Variants in SUN3 observed in about 807,000 individuals in gnomAD.
SUN3 encodes the protein SUN domain-containing protein 3.
A neutral mutation model predicts 48.2 loss-of-function variants in SUN3; 36 were observed. The ratio of observed to expected loss-of-function variants is 0.75; its 90% confidence interval spans 0.57 to 0.99. SUN3 has a LOEUF of 0.99. SUN3 is among the 50% of genes least tolerant of loss of function. SUN3 has a pLI of 0.00. For synonymous variants in SUN3, 148 were observed against 147.9 expected, an observed-to-expected ratio of 1.00 and a Z score of 0.00; for missense variants, 419 against 433.1, an observed-to-expected ratio of 0.97 and a Z score of 0.29.
At chr7:47,987,740 C>T (rs1788940827) in intron 9 of SUN3, among the ~76,000 whole-genome samples, 1 of 152,076 alleles carries the variant, frequency 6.6e-6, no homozygotes, top group African/African-American at 2.4e-5. Context: ...TGCCATGTTG[C>T]CCAGGCTGGT....
chr7:47,989,718 T>C (rs1012387630), intron 8 of SUN3, among the ~76,000 whole-genome samples: 4 of 152,238 alleles, frequency 2.6e-5, no homozygotes, highest in Admixed American at 6.5e-5. Flanking sequence ...TGTCTCTACG[T>C]AGAAAGAAGT....
At chr7:47,993,187 A>G (rs74622979) in intron 8 of SUN3, among the ~76,000 whole-genome samples, 2,915 of 152,328 alleles carry the variant, frequency 0.019, 99 homozygotes, top group African/African-American at 0.067. Flanking sequence ...TGTTTTGTTC[A>G]CATAGTCACT....
At chr7:48,023,519 C>G (rs1264305689) in intron 2 of SUN3, among the ~76,000 whole-genome samples, 2 of 151,360 alleles carry the variant, frequency 1.3e-5, no homozygotes, top group African/African-American at 4.9e-5. Context: ...AAATGAAGAA[C>G]AAAAAAGGTA....
At chr7:48,009,188 G>A in intron 3 of SUN3, 113 bp from the exon 4 acceptor site, 2 of 1,022,284 alleles carry the variant, frequency 2.0e-6, no homozygotes, top group Middle Eastern at 2.3e-4. Context: ...ATATACAGAT[G>A]TGCTGGCTGG....
intron 2 of SUN3, among the ~76,000 whole-genome samples, chr7:48,023,963 G>A (rs562812618): frequency 1.3e-5 from 2 of 152,240 alleles, no homozygotes; most frequent in African/African-American, 4.8e-5. Context: ...TGGAACAGAG[G>A]ACAAGACATT....
chr7:48,021,384 A>T (rs1789992154), intron 2 of SUN3, among the ~76,000 whole-genome samples: 1 of 152,136 alleles, frequency 6.6e-6, no homozygotes, highest in South Asian at 2.1e-4. Flanking sequence ...CCACAAGCAC[A>T]GGCAACAAAA....
intron 8 of SUN3, among the ~76,000 whole-genome samples, chr7:47,989,648 G>A (rs1221315226): frequency 1.3e-5 from 2 of 152,054 alleles, no homozygotes; most frequent in Non-Finnish European, 2.9e-5. Context: ...ATACATCATG[G>A]TTACATAATG....
chr7:48,019,783 C>G (rs1002861342), intron 2 of SUN3, among the ~76,000 whole-genome samples: 3 of 151,470 alleles, frequency 2.0e-5, no homozygotes, highest in African/African-American at 7.3e-5. Flanking sequence ...AGATCGAAGC[C>G]ATAATAAAAA....
At chr7:47,990,495 C>T (rs150502295) in intron 8 of SUN3, among the ~76,000 whole-genome samples, 10 of 152,158 alleles carry the variant, frequency 6.6e-5, no homozygotes, top group South Asian at 2.1e-4. Context: ...GGTGCCGGCG[C>T]GGGTCCTCCG....
intron 3 of SUN3, among the ~76,000 whole-genome samples, chr7:48,009,463 G>T (rs1789622312): frequency 6.6e-6 from 1 of 152,178 alleles, no homozygotes; most frequent in South Asian, 2.1e-4. Context: ...GGTGGATGTG[G>T]AAAAACCTAA....
chr7:48,014,268 G>C (rs1789752622), intron 3 of SUN3, among the ~76,000 whole-genome samples: 1 of 152,206 alleles, frequency 6.6e-6, no homozygotes, highest in South Asian at 2.1e-4. Context: ...TGAATTTGCT[G>C]TTGAGTATGC....
At chr7:48,033,444 C>T (rs73337821), upstream of SUN3, among the ~76,000 whole-genome samples, 4,319 of 152,066 alleles carry the variant, frequency 0.028, 216 homozygotes, top group African/African-American at 0.1. Context: ...GGCCTGGACT[C>T]CTAATTACTC....
At chr7:47,998,224 C>T (rs73111124) in intron 6 of SUN3, among the ~76,000 whole-genome samples, 167 of 152,248 alleles carry the variant, frequency 1.1e-3, no homozygotes, top group Middle Eastern at 3.4e-3. Context: ...CATGCGGTTG[C>T]CAGCACTTAG....
chr7:48,007,127 A>ACCCCCCCCAG, intron 5 of SUN3, 38 bp downstream of exon 5: 2 of 1,575,512 alleles, frequency 1.3e-6, no homozygotes, highest in Non-Finnish European at 8.7e-7. Context: ...GCTAACCACC[A>ACCCCCCCCAG]CCCCACCCTG....
intron 2 of SUN3, among the ~76,000 whole-genome samples, chr7:48,023,526 G>C (rs769845251): frequency 6.6e-6 from 1 of 151,934 alleles, no homozygotes; most frequent in Non-Finnish European, 1.5e-5. Flanking sequence ...GAACAAAAAA[G>C]GTATAAGATA....
chr7:48,029,747 A>C (rs564331218), upstream of SUN3, among the ~76,000 whole-genome samples: 45 of 152,314 alleles, frequency 3.0e-4, no homozygotes, highest in African/African-American at 1.0e-3. Flanking sequence ...GTTAGGTGGA[A>C]GGATGAGCTG....
chr7:48,005,323 T>C (rs1357521680), intron 6 of SUN3, among the ~76,000 whole-genome samples: 1 of 152,202 alleles, frequency 6.6e-6, no homozygotes, highest in Non-Finnish European at 1.5e-5. Context: ...ATCATGCTGT[T>C]CCAAATGCTC....
chr7:48,028,962 G>C lies in SUN3; in HGVS notation c.-24C>G, dbSNP rs762390205. The stretch of plus-strand genomic sequence containing the variant: ...ATGATCCCCTACCAAAGAACAAACA[G>C]CTGGTAGGATGAAGAGCAACATTTG... On this transcript the variant is annotated 5_prime_UTR_variant, in exon 1 of 10. Coordinates refer to ENST00000297325, the MANE Select transcript of SUN3 (RefSeq NM_001030019.2). 1.9e-6 allele frequency: 3 copies of C among 1,613,382 alleles called. No individual in the cohort carries two copies. The highest frequency in any genetic ancestry group is 1.7e-6 in the Non-Finnish European group (2 of 1,179,648).
chr7:48,007,768 C>A (rs555957373), intron 4 of SUN3, among the ~76,000 whole-genome samples: 1 of 151,612 alleles, frequency 6.6e-6, no homozygotes, highest in Non-Finnish European at 1.5e-5. Flanking sequence ...AGCCAGTGGG[C>A]AGTGACTGGT....
Sources: gnomAD v4.1 joint callset for allele counts (sites outside exome capture counted in the v4.1 genomes callset) on GRCh38, gnomAD v4.1.1 for gene constraint, MANE v1.5 for transcripts, NCBI Gene and HGNC (gene_info 2026-07-23, HGNC 2026-07-21) for gene names.